Variants in ERBIN observed in about 807,000 individuals in gnomAD.
The protein encoded by ERBIN is densin-180-like protein.
A neutral mutation model predicts 158.4 loss-of-function variants in ERBIN; 60 were observed. The observed-to-expected ratio is 0.38, with a 90% CI of 0.31 to 0.47. The LOEUF is 0.47. ERBIN is among the 20% of genes least tolerant of loss of function. ERBIN has a pLI of 0.99. For synonymous variants in ERBIN, 594 were observed against 557.2 expected (o/e 1.07, Z -0.93); for missense variants, 1,610 against 1,648.0 (o/e 0.98, Z 0.40).
At chr5:65,937,833 C>T (rs1035713537) in intron 1 of ERBIN, among the ~76,000 whole-genome samples, 12 of 152,034 alleles carry the variant, frequency 7.9e-5, no homozygotes, top group South Asian at 6.2e-4. Flanking sequence ...GGCATGAACC[C>T]GGGAGGCGGA....
At chr5:65,952,167 A>G (rs1308236857) in intron 1 of ERBIN, among the ~76,000 whole-genome samples, 1 of 152,156 alleles carries the variant, frequency 6.6e-6, no homozygotes, top group Non-Finnish European at 1.5e-5. Flanking sequence ...TATATCTGTT[A>G]TATTTTCACA....
intron 1 of ERBIN, among the ~76,000 whole-genome samples, chr5:65,932,293 C>T (rs1021358429): frequency 4.0e-5 from 6 of 148,902 alleles, no homozygotes; most frequent in South Asian, 4.3e-4. Flanking sequence ...GAGCCGAGAT[C>T]GCGCCACTGC....
In ERBIN at chr5:66,028,342, A is replaced by G; in HGVS notation, c.1205A>G (p.Gln402Arg). Residue 402 changes from glutamine to arginine, a missense_variant and splice_region_variant, in exon 14 of 26, where the codon CAG becomes CGG. Gln to Arg is a conservative substitution (Grantham distance 43). This residue lies in a region of ERBIN where 596 missense variants were observed against 711.9 expected (regional missense o/e 0.84). Transcript: ENST00000284037. ...ACAGCTATGTGGCTCTCAGATAATC[A>G]GGTGGGCATTCTGATTTTATAAGTT... ...QLTAMWLSDN[Q>R]SKPLIPLQKE... The G allele has an allele frequency of 6.2e-7, 1 of 1,611,340 alleles. No individual in the cohort carries two copies. The highest frequency in any genetic ancestry group is 8.5e-7 in the Non-Finnish European group (1 of 1,178,158).
rs1444147226 is a variant in ERBIN at position 66,054,443 on chromosome 5, A to G, written c.3125A>G (p.Tyr1042Cys). The change falls in exon 21 of 26, where the codon TAC (tyrosine) becomes TGC (cysteine). Residue 1042 changes from tyrosine (Y) to cysteine (C), a missense_variant. Tyr to Cys is a radical substitution (Grantham distance 194). Coordinates refer to ENST00000284037, the MANE Select transcript of ERBIN (RefSeq NM_001253697.2). Reference protein sequence around the residue: ...NHNNVRANTAYHLHQRLGPAR... With the variant: ...NHNNVRANTACHLHQRLGPAR... ...AACAATGTTCGAGCTAATACTGCAT[A>G]CCATTTACATCAGAGACTTGGCCCA... 6 of 1,614,198 alleles carry G rather than the reference A, an allele frequency of 3.7e-6. No homozygotes were observed. The highest frequency in any genetic ancestry group is 5.1e-6 in the Non-Finnish European group (6 of 1,180,022).
intron 1 of ERBIN, among the ~76,000 whole-genome samples, chr5:65,940,366 G>A (rs1456568697): frequency 6.7e-6 from 1 of 148,526 alleles, no homozygotes; most frequent in African/African-American, 2.6e-5. Flanking sequence ...ACCCCGTCTG[G>A]GAAGTGAGGA....
chr5:66,055,840 A>C (rs989117751), intron 21 of ERBIN, among the ~76,000 whole-genome samples: 1 of 152,220 alleles, frequency 6.6e-6, no homozygotes, highest in Non-Finnish European at 1.5e-5. Flanking sequence ...TGCCTAAAAT[A>C]TATTAGTACC....
chr5:65,986,691 GT>G (rs369607073), intron 1 of ERBIN, among the ~76,000 whole-genome samples: 41 of 152,306 alleles, frequency 2.7e-4, no homozygotes, highest in African/African-American at 9.1e-4. Flanking sequence ...TTGGCTGCAA[GT>G]AAAGAAAACA....
chr5:65,935,736 C>G (rs1743998562), intron 1 of ERBIN, among the ~76,000 whole-genome samples: 1 of 151,814 alleles, frequency 6.6e-6, no homozygotes, highest in African/African-American at 2.4e-5. Flanking sequence ...CTTTTTTATT[C>G]TTTTTTGGAG....
At chr5:65,993,050 A>G (rs1212296728) in intron 3 of ERBIN, 143 bp downstream of exon 3, 2 of 509,060 alleles carry the variant, frequency 3.9e-6, no homozygotes, top group Non-Finnish European at 6.3e-6. Context: ...TATGCCGTAC[A>G]ATTCAAATTT....
intron 21 of ERBIN, among the ~76,000 whole-genome samples, chr5:66,070,779 G>A (rs939030418): frequency 7.2e-5 from 11 of 152,246 alleles, no homozygotes; most frequent in African/African-American, 2.6e-4. Context: ...AACTGCACAT[G>A]ATAGATGTGT....
chr5:66,029,430 CA>C (rs1756612028), intron 14 of ERBIN, among the ~76,000 whole-genome samples: 1 of 152,126 alleles, frequency 6.6e-6, no homozygotes, highest in Non-Finnish European at 1.5e-5. Context: ...ACTCCGCAGC[CA>C]AATTTTCTTG....
chr5:65,998,125 G>A (rs1024978981), intron 4 of ERBIN, among the ~76,000 whole-genome samples: 3 of 151,836 alleles, frequency 2.0e-5, no homozygotes, highest in African/African-American at 7.3e-5. Context: ...TAGTCAGGAG[G>A]CTGAGGCATG....
At chr5:65,951,829 A>G (rs1746531778) in intron 1 of ERBIN, among the ~76,000 whole-genome samples, 1 of 152,178 alleles carries the variant, frequency 6.6e-6, no homozygotes, top group South Asian at 2.1e-4. Flanking sequence ...ATAACAAATG[A>G]TGTTTTGCTG....
At chr5:65,949,987 T>C (rs559749863) in intron 1 of ERBIN, among the ~76,000 whole-genome samples, 4 of 151,580 alleles carry the variant, frequency 2.6e-5, no homozygotes, top group African/African-American at 7.3e-5. Flanking sequence ...CTAAAATATC[T>C]GCCCAGCCCA....
intron 1 of ERBIN, among the ~76,000 whole-genome samples, chr5:65,952,075 G>A (rs1221379371): frequency 1.3e-5 from 2 of 152,260 alleles, no homozygotes; most frequent in Non-Finnish European, 2.9e-5. Context: ...CATGTTCTGT[G>A]GGATGACTGC....
chr5:66,073,407 T>C (rs1020122268), intron 22 of ERBIN, among the ~76,000 whole-genome samples: 12 of 152,136 alleles, frequency 7.9e-5, no homozygotes, highest in Non-Finnish European at 1.5e-4. Context: ...CAGGTTTTTT[T>C]CCTCCAGAAA....
At chr5:65,947,040 A>G (rs140249116) in intron 1 of ERBIN, among the ~76,000 whole-genome samples, 40 of 152,018 alleles carry the variant, frequency 2.6e-4, no homozygotes, top group African/African-American at 9.6e-4. Flanking sequence ...ATTTTCTCCC[A>G]TTCCATACCT....
intron 21 of ERBIN, among the ~76,000 whole-genome samples, chr5:66,069,835 T>G (rs189017953): frequency 7.9e-5 from 12 of 152,276 alleles, no homozygotes; most frequent in African/African-American, 2.9e-4. Flanking sequence ...TACTTCTACC[T>G]GAGCGATGGT....
intron 1 of ERBIN, among the ~76,000 whole-genome samples, chr5:65,958,100 A>G (rs1336095462): frequency 3.2e-5 from 4 of 126,528 alleles, no homozygotes; most frequent in South Asian, 5.8e-4. Context: ...CCTAGATGGG[A>G]TGGCGGCCGG....
Sources: gnomAD v4.1 joint callset for allele counts (sites outside exome capture counted in the v4.1 genomes callset) on GRCh38, gnomAD v4.1.1 for gene constraint, gnomAD v4.1.1 regional missense constraint, MANE v1.5 for transcripts, NCBI Gene and HGNC (gene_info 2026-07-23, HGNC 2026-07-21) for gene names.